MAPKAP1: variants seen among roughly 807,000 people sequenced by gnomAD.
MAPKAP1 encodes the protein MAPK associated protein 1, also known as target of rapamycin complex 2 subunit MAPKAP1.
MAPKAP1 carries 20 observed loss-of-function variants against 65.7 expected under a neutral mutation model. The observed-to-expected ratio is 0.30, with a 90% CI of 0.21 to 0.44. The LOEUF (loss-of-function observed/expected upper bound fraction) is 0.44. Among genes scored for constraint, MAPKAP1 ranks in the 20% least tolerant of loss-of-function variants. The pLI is 1.00. For missense variants in MAPKAP1, 423 were observed against 648.0 expected (o/e 0.65, Z 3.77); for synonymous variants, 222 against 244.3 (o/e 0.91, Z 0.85).
At chr9:125,538,917 A>G (rs1830158142) in intron 7 of MAPKAP1, among the ~76,000 whole-genome samples, 1 of 152,200 alleles carries the variant, frequency 6.6e-6, no homozygotes, top group South Asian at 2.1e-4. Flanking sequence ...ACAACTTAAG[A>G]GTCCAACGAT....
chr9:125,439,023 G>A lies in MAPKAP1; in HGVS notation c.1444-11C>T. ...CAGGATGTAGTTAACCTAGAAACAAGAGCACACAGCCCGGTCACCTTGCCA... is the reference window on the plus strand; with the variant it reads ...CAGGATGTAGTTAACCTAGAAACAAAAGCACACAGCCCGGTCACCTTGCCA... On this transcript the variant is annotated splice_polypyrimidine_tract_variant and intron_variant, in intron 11 of 11. Transcript: ENST00000265960. This position sits in a 1 kb window ranked among gnomAD's most constrained non-coding sequence, Gnocchi z 4.0. 2 of 1,612,884 alleles carry A rather than the reference G, an allele frequency of 1.2e-6. No homozygotes were observed. Among genetic ancestry groups the A allele is most frequent in the Non-Finnish European group, 1.7e-6 (2 of 1,179,832 alleles).
Position 125,447,307 on chromosome 9 carries a change from T to C in MAPKAP1, c.1346-2709A>G. The C allele has an allele frequency of 2.3e-6, 1 of 430,632 alleles. No individual in the cohort carries two copies. The highest frequency in any genetic ancestry group is 1.7e-5 in the South Asian group (1 of 60,154). 26.7% of individuals were successfully genotyped at this position (430,632 alleles called of 1,614,324 possible). On this transcript the variant is annotated intron_variant, in intron 10 of 11. Transcript: ENST00000265960. This position sits in a 1 kb window ranked among gnomAD's most constrained non-coding sequence, Gnocchi z 4.5. ...TCAAGCCTCCGGTCTGTTTGTCCTT[T>C]CCAGTGAAAGCACTCACGCCATAGG...
intron 10 of MAPKAP1, among the ~76,000 whole-genome samples, chr9:125,459,347 A>AG (rs1853361868): frequency 6.7e-6 from 1 of 150,150 alleles, no homozygotes; most frequent in Non-Finnish European, 1.5e-5. Context: ...AGCCAGGCAG[A>AG]GGGGCTCCTC....
chr9:125,623,058 G>A (rs1229475160), intron 4 of MAPKAP1, among the ~76,000 whole-genome samples: 11 of 151,334 alleles, frequency 7.3e-5, no homozygotes, highest in African/African-American at 1.7e-4. Context: ...TCGGCCTCCC[G>A]AGGTGCCGGG....
chr9:125,443,108 T>A (rs992735243), intron 11 of MAPKAP1, among the ~76,000 whole-genome samples: 1 of 152,222 alleles, frequency 6.6e-6, no homozygotes, highest in Non-Finnish European at 1.5e-5. Context: ...TGCACTGTGA[T>A]GGGACACGTG....
At chr9:125,565,129 G>A (rs1166793046) in intron 5 of MAPKAP1, among the ~76,000 whole-genome samples, 5 of 152,054 alleles carry the variant, frequency 3.3e-5, no homozygotes, top group African/African-American at 4.8e-5. Flanking sequence ...TCTTTAATGA[G>A]TACAACTTTC....
chr9:125,549,661 C>T (rs1410572056), intron 6 of MAPKAP1, among the ~76,000 whole-genome samples: 2 of 152,152 alleles, frequency 1.3e-5, no homozygotes, highest in Non-Finnish European at 2.9e-5. Context: ...GACTGCCCTC[C>T]GCCTTCTCCT....
At chr9:125,609,046 G>GA (rs1386777513) in intron 4 of MAPKAP1, among the ~76,000 whole-genome samples, 1 of 152,050 alleles carries the variant, frequency 6.6e-6, no homozygotes, top group Non-Finnish European at 1.5e-5. Flanking sequence ...AAGAGGGAGA[G>GA]AAAAAAACCT....
chr9:125,678,000 T>C (rs766748489), intron 1 of MAPKAP1, among the ~76,000 whole-genome samples: 3 of 151,982 alleles, frequency 2.0e-5, no homozygotes, highest in Non-Finnish European at 4.4e-5. Context: ...TCACTGCAGC[T>C]TCAACTTCCC....
intron 7 of MAPKAP1, among the ~76,000 whole-genome samples, chr9:125,532,246 A>AG (rs1829954718): frequency 6.6e-6 from 1 of 152,234 alleles, no homozygotes; most frequent in Non-Finnish European, 1.5e-5. Flanking sequence ...GTTTTCTACC[A>AG]CAAAAAAGAG....
At chr9:125,698,278 AATATATATAAATATATATATATATATAT>A (rs1441873550) in intron 1 of MAPKAP1, among the ~76,000 whole-genome samples, 2 of 26,596 alleles carry the variant, frequency 7.5e-5, no homozygotes, top group Non-Finnish European at 1.2e-4. Context: ...TATAATACAT[AATATATATAAATATATATATATATATAT>A]ATATATATAT....
chr9:125,687,579 C>T (rs904729017), intron 1 of MAPKAP1, among the ~76,000 whole-genome samples: 3 of 151,374 alleles, frequency 2.0e-5, no homozygotes, highest in African/African-American at 7.3e-5. Flanking sequence ...GAGTTTGAGA[C>T]CAGCCTGGGC....
At chr9:125,472,317 G>T (rs79251912) in intron 9 of MAPKAP1, among the ~76,000 whole-genome samples, 1 of 152,172 alleles carries the variant, frequency 6.6e-6, no homozygotes, top group African/African-American at 2.4e-5. Flanking sequence ...AGCCTCAGCC[G>T]TGTCAGAAGA....
At chr9:125,469,020 T>C (rs1171537868) in intron 9 of MAPKAP1, among the ~76,000 whole-genome samples, 3 of 152,166 alleles carry the variant, frequency 2.0e-5, no homozygotes, top group Non-Finnish European at 4.4e-5. Context: ...CCACCTAGGC[T>C]AGATGTGCTC....
chr9:125,622,261 A>C (rs1760042466), intron 4 of MAPKAP1, among the ~76,000 whole-genome samples: 2 of 152,144 alleles, frequency 1.3e-5, no homozygotes, highest in African/African-American at 4.8e-5. Flanking sequence ...CATAAATGTC[A>C]ACATTGTTAC....
intron 1 of MAPKAP1, among the ~76,000 whole-genome samples, chr9:125,693,985 T>C (rs1220961559): frequency 6.6e-6 from 1 of 152,006 alleles, no homozygotes; most frequent in Admixed American, 6.6e-5. Context: ...CTGGGCACTA[T>C]AGCAAGACCC....
chr9:125,511,214 T>A (rs937400478), intron 7 of MAPKAP1, among the ~76,000 whole-genome samples: 17 of 152,100 alleles, frequency 1.1e-4, no homozygotes, highest in Admixed American at 1.0e-3. Context: ...CAGACTGTAA[T>A]AATACTAAGT....
At chr9:125,449,004 C>CAAAAAAAAAAAAA (rs11358978) in intron 10 of MAPKAP1, among the ~76,000 whole-genome samples, 1 of 89,056 alleles carries the variant, frequency 1.1e-5, no homozygotes, top group Non-Finnish European at 2.3e-5. Context: ...GACTCTGTCT[C>CAAAAAAAAAAAAA]AAAAAAAAAA....
At chr9:125,493,207 T>A (rs1854800003) in intron 8 of MAPKAP1, among the ~76,000 whole-genome samples, 1 of 152,208 alleles carries the variant, frequency 6.6e-6, no homozygotes, top group African/African-American at 2.4e-5. Context: ...CCTTCTCTGC[T>A]CCACTCTATC....
Sources: gnomAD v4.1 joint callset for allele counts (sites outside exome capture counted in the v4.1 genomes callset) on GRCh38, gnomAD v4.1.1 for gene constraint, Gnocchi (gnomAD v3.1) non-coding constraint, MANE v1.5 for transcripts, NCBI Gene and HGNC (gene_info 2026-07-23, HGNC 2026-07-21) for gene names.